ACOT11: variants seen among roughly 807,000 people sequenced by gnomAD.
ACOT11 encodes acyl-CoA thioesterase 11.
Under a neutral mutation model 77.5 loss-of-function variants are expected in ACOT11, and 69 were observed. That is an observed-to-expected ratio of 0.89 (90% CI 0.73 to 1.09). The LOEUF is 1.09. ACOT11 is among the 50% of genes least tolerant of loss of function. The pLI is 0.00. For synonymous variants in ACOT11, 279 were observed against 313.0 expected (o/e 0.89, Z 1.15); for missense variants, 766 against 813.7 (o/e 0.94, Z 0.71).
At chr1:54,614,942 G>GTGTGTA, downstream of ACOT11, 1 of 522,180 alleles carries the variant, frequency 1.9e-6, no homozygotes, top group Non-Finnish European at 2.7e-6. Flanking sequence ...CAGAGCGGGT[G>GTGTGTA]TGTGTGTGTG....
At chr1:54,589,855 G>A (rs1179714864) in intron 3 of ACOT11, among the ~76,000 whole-genome samples, 7 of 152,110 alleles carry the variant, frequency 4.6e-5, no homozygotes, top group African/African-American at 9.7e-5. Flanking sequence ...TAGGGAGGCC[G>A]AGGTGGACAG....
intron 8 of ACOT11, 110 bp from the exon 9 acceptor site, chr1:54,601,159 A>C: frequency 7.6e-7 from 1 of 1,319,982 alleles, no homozygotes; most frequent in African/African-American, 1.5e-5. Context: ...GTGTGCATGC[A>C]TGTGTGTGGG....
chr1:54,607,022 T>C lies in ACOT11; in HGVS notation c.1371-112T>C. 1 of 1,461,710 alleles carries C rather than the reference T, an allele frequency of 6.8e-7. No homozygotes were observed. Among genetic ancestry groups the C allele is most frequent in the Non-Finnish European group, 9.3e-7 (1 of 1,078,176 alleles). The allele number at this position is 1,461,710 out of a possible 1,614,324, so 90.5% of individuals were successfully genotyped here. ...TTGCTGAGCAGTACAGGGGGTGACA[T>C]CCCATCACAGAAGCTGCTCAGGCAC... is the stretch of plus-strand genomic sequence containing the variant. On this transcript the variant is annotated intron_variant, in intron 13 of 15. Coordinates refer to ENST00000343744, the MANE Select transcript of ACOT11 (RefSeq NM_147161.4). This position sits in a 1 kb window ranked among gnomAD's most constrained non-coding sequence, Gnocchi z 4.5.
At chr1:54,595,981 G>T (rs996309404) in intron 6 of ACOT11, among the ~76,000 whole-genome samples, 2 of 152,172 alleles carry the variant, frequency 1.3e-5, no homozygotes, top group Admixed American at 1.3e-4. Flanking sequence ...TTGGAGGCCG[G>T]AGCTGGGGAG....
Position 54,608,073 on chromosome 1 carries a change from G to A in ACOT11, c.1629+5G>A. On this transcript the variant is annotated splice_donor_5th_base_variant and intron_variant, in intron 15 of 15. Coordinates refer to ENST00000343744, the MANE Select transcript of ACOT11 (RefSeq NM_147161.4). ...GAGGGGGACCAGCTGACCAAGGTGA[G>A]GCCGGTCCCCCCAACCACGCCCCCA... The A allele has an allele frequency of 6.2e-7, 1 of 1,607,816 alleles. No homozygotes were observed. The highest frequency in any genetic ancestry group is 8.5e-7 in the Non-Finnish European group (1 of 1,177,574).
At chr1:54,596,656 C>T (rs1654909186) in intron 6 of ACOT11, among the ~76,000 whole-genome samples, 1 of 152,210 alleles carries the variant, frequency 6.6e-6, no homozygotes, top group Non-Finnish European at 1.5e-5. Context: ...TCACTGCAAC[C>T]TCTGCCTCCC....
chr1:54,617,055 G>C (rs1464721212), intron 15 of ACOT11, among the ~76,000 whole-genome samples: 1 of 152,202 alleles, frequency 6.6e-6, no homozygotes, highest in African/African-American at 2.4e-5. Flanking sequence ...CGGAAAAGTT[G>C]TTCTGATTCT....
At chr1:54,618,123 C>T (rs1429561379) in intron 15 of ACOT11, among the ~76,000 whole-genome samples, 1 of 152,122 alleles carries the variant, frequency 6.6e-6, no homozygotes, top group Non-Finnish European at 1.5e-5. Flanking sequence ...GTTTTGTCCT[C>T]CCCATCTCTG....
At chr1:54,550,858 A>C (rs1653036665) in intron 1 of ACOT11, among the ~76,000 whole-genome samples, 1 of 149,748 alleles carries the variant, frequency 6.7e-6, no homozygotes, top group Non-Finnish European at 1.5e-5. Context: ...AACCCCACCA[A>C]GCTGGGTGTG....
rs1484206728 is a variant in ACOT11, at chr1:54,584,187, A to G, written c.34-468A>G. Among the ~76,000 whole-genome samples the G allele has an allele frequency of 6.6e-6, 1 of 152,030 alleles. No individual in the cohort carries two copies. Among genetic ancestry groups the G allele is most frequent in the Non-Finnish European group, 1.5e-5 (1 of 68,022 alleles). ...GAAGATGGAGGGAGCCCAAGAAAGG[A>G]GCCCTTTGGGGATGAAATCAGAGCG... On this transcript the variant is annotated intron_variant, in intron 1 of 15. Transcript: ENST00000343744. This position sits in a 1 kb window ranked among gnomAD's most constrained non-coding sequence, Gnocchi z 6.3.
chr1:54,603,301 A>T (rs1643986751), intron 10 of ACOT11, among the ~76,000 whole-genome samples: 1 of 152,244 alleles, frequency 6.6e-6, no homozygotes, highest in Admixed American at 6.5e-5. Flanking sequence ...GCAAGCCGAG[A>T]TTGTGCCATT....
At chr1:54,619,732 A>G in intron 15 of ACOT11, 2 of 929,358 alleles carry the variant, frequency 2.2e-6, no homozygotes, top group Admixed American at 2.3e-5. Context: ...CTGAGCCCCT[A>G]TTTCCTCATG....
intron 3 of ACOT11, among the ~76,000 whole-genome samples, chr1:54,589,309 G>GC: frequency 6.9e-6 from 1 of 144,932 alleles, no homozygotes; most frequent in South Asian, 2.2e-4. Context: ...GAGCCACCAT[G>GC]CCTGGCCCTT....
rs532292380 is a variant in ACOT11, at chr1:54,590,316, T to G, written c.312-2230T>G. ...GGTGTAGGGAAGGTCTCGATGGGGG[T>G]CAGATTTGTTCATGGGGGGTCGCTT... On this transcript the variant is annotated intron_variant, in intron 3 of 15. Coordinates refer to ENST00000343744, the MANE Select transcript of ACOT11 (RefSeq NM_147161.4). 2.1e-4 allele frequency among the ~76,000 whole-genome samples: 31 copies of G among 151,114 alleles called. 1 individual carries two copies. Among genetic ancestry groups the G allele is most frequent in the African/African-American group, 7.3e-4 (30 of 41,012 alleles).
At chr1:54,557,301 AG>A (rs112702649) in intron 1 of ACOT11, among the ~76,000 whole-genome samples, 6,806 of 149,586 alleles carry the variant, frequency 0.045, 209 homozygotes, top group South Asian at 0.14. Flanking sequence ...CTGAGGCAGG[AG>A]AATTGCTTGA....
intron 13 of ACOT11, among the ~76,000 whole-genome samples, chr1:54,606,718 G>C (rs773956850): frequency 1.4e-4 from 21 of 152,188 alleles, no homozygotes; most frequent in Non-Finnish European, 2.4e-4. Context: ...CTCAGTGGGC[G>C]CTCAGTAAAT....
exon 17 of ACOT11, chr1:54,637,216 G>A (rs115522508): frequency 0.021 from 3,253 of 152,100 alleles, 102 homozygotes; most frequent in Admixed American, 0.092. Context: ...TTCCTCTAGC[G>A]CTGCTGAGTT....
chr1:54,576,532 A>T (rs1237023262), intron 1 of ACOT11, among the ~76,000 whole-genome samples: 1 of 149,148 alleles, frequency 6.7e-6, no homozygotes. Flanking sequence ...GAATTTTGTA[A>T]ATATCTCAAA....
intron 15 of ACOT11, chr1:54,615,945 G>A: frequency 1.3e-6 from 2 of 1,502,072 alleles, no homozygotes; most frequent in Non-Finnish European, 1.8e-6. Flanking sequence ...TTGCTTCCCA[G>A]TGAGGGATCT....
Sources: gnomAD v4.1 joint callset for allele counts (sites outside exome capture counted in the v4.1 genomes callset) on GRCh38, gnomAD v4.1.1 for gene constraint, Gnocchi (gnomAD v3.1) non-coding constraint, MANE v1.5 for transcripts, NCBI Gene and HGNC (gene_info 2026-07-23, HGNC 2026-07-21) for gene names.